The following CREB5 variants were observed in gnomAD, a reference collection of about 807,000 sequenced individuals.
CREB5 encodes the protein cAMP responsive element binding protein 5.
In CREB5, 19 loss-of-function variants were observed where a neutral mutation model predicts 57.1. The observed-to-expected ratio is 0.33, with a 90% CI of 0.23 to 0.49. CREB5 has a LOEUF of 0.49. Among genes scored for constraint, CREB5 ranks in the 20% least tolerant of loss-of-function variants. The pLI is 0.99. For missense variants in CREB5, 579 were observed against 671.6 expected (o/e 0.86, Z 1.52); for synonymous variants, 238 against 238.3 (o/e 1.00, Z 0.01).
chr7:28,675,462 G>T (rs1345249622), intron 5 of CREB5, among the ~76,000 whole-genome samples: 1 of 152,116 alleles, frequency 6.6e-6, no homozygotes, highest in Non-Finnish European at 1.5e-5. Flanking sequence ...AGGAAAATTT[G>T]TCTTCCTCAG....
intron 1 of CREB5, among the ~76,000 whole-genome samples, chr7:28,369,987 C>T (rs1562678660): frequency 6.6e-6 from 1 of 152,060 alleles, no homozygotes; most frequent in Non-Finnish European, 1.5e-5. Context: ...CTAGCAGCTA[C>T]TTTTTTTTCC....
intron 1 of CREB5, among the ~76,000 whole-genome samples, chr7:28,473,258 G>A (rs1790905701): frequency 6.6e-6 from 1 of 152,030 alleles, no homozygotes; most frequent in African/African-American, 2.4e-5. Context: ...GGGGATCAAG[G>A]GTGTAGCGGG....
At chr7:28,595,802 T>C (rs1430283407) in intron 5 of CREB5, among the ~76,000 whole-genome samples, 1 of 152,136 alleles carries the variant, frequency 6.6e-6, no homozygotes, top group Non-Finnish European at 1.5e-5. Flanking sequence ...TTGCACACCA[T>C]CAAAGCAAAG....
intron 5 of CREB5, among the ~76,000 whole-genome samples, chr7:28,648,619 G>T (rs141367021): frequency 2.0e-5 from 3 of 152,032 alleles, no homozygotes; most frequent in Admixed American, 6.6e-5. Flanking sequence ...GTGCATGCCC[G>T]TAGTCTCAGC....
chr7:28,643,758 G>GA (rs368834555), intron 5 of CREB5, among the ~76,000 whole-genome samples: 95 of 81,532 alleles, frequency 1.2e-3, no homozygotes, highest in African/African-American at 4.9e-3. Context: ...AGGTGGGGGG[G>GA]GGCGGAAGAA....
At chr7:28,786,774 A>C (rs1807354592) in intron 7 of CREB5, among the ~76,000 whole-genome samples, 1 of 152,156 alleles carries the variant, frequency 6.6e-6, no homozygotes, top group Non-Finnish European at 1.5e-5. Flanking sequence ...TACCTAACTC[A>C]GGGCCCACTA....
chr7:28,809,126 T>C (rs777158290), intron 8 of CREB5, 61 bp from the exon 9 acceptor site: 4 of 1,480,340 alleles, frequency 2.7e-6, no homozygotes, highest in Non-Finnish European at 3.7e-6. Context: ...CTTGGGTTTC[T>C]TCCCTTACCT....
chr7:28,462,714 G>T (rs977767307), intron 1 of CREB5, among the ~76,000 whole-genome samples: 2 of 151,974 alleles, frequency 1.3e-5, no homozygotes, highest in African/African-American at 2.4e-5. Context: ...TATATTTTCT[G>T]TATAGAAGTA....
intron 4 of CREB5, among the ~76,000 whole-genome samples, chr7:28,551,509 A>G (rs149787363): frequency 1.8e-4 from 28 of 152,226 alleles, no homozygotes; most frequent in South Asian, 1.5e-3. Flanking sequence ...TGTTTTAACT[A>G]TTATCCAGAA....
intron 1 of CREB5, among the ~76,000 whole-genome samples, chr7:28,446,782 ACT>A (rs1789499600): frequency 6.6e-6 from 1 of 151,972 alleles, no homozygotes; most frequent in Non-Finnish European, 1.5e-5. Flanking sequence ...ACAGAGTGAG[ACT>A]CTGTCTCAAA....
intron 5 of CREB5, among the ~76,000 whole-genome samples, chr7:28,640,001 T>A (rs1798585306): frequency 6.6e-6 from 1 of 152,152 alleles, no homozygotes; most frequent in Non-Finnish European, 1.5e-5. Context: ...CCACTGTCAT[T>A]CCCATGCCTC....
At chr7:28,518,164 G>T (rs1439295225) in intron 4 of CREB5, among the ~76,000 whole-genome samples, 1 of 152,170 alleles carries the variant, frequency 6.6e-6, no homozygotes, top group Non-Finnish European at 1.5e-5. Flanking sequence ...TCTGAGGTAT[G>T]TGCAGAATAC....
intron 7 of CREB5, among the ~76,000 whole-genome samples, chr7:28,784,885 T>C (rs1045394763): frequency 6.6e-6 from 1 of 152,194 alleles, no homozygotes; most frequent in African/African-American, 2.4e-5. Flanking sequence ...ATGCACTGTT[T>C]GCTTTTCACC....
intron 1 of CREB5, among the ~76,000 whole-genome samples, chr7:28,316,193 A>G (rs947059101): frequency 1.3e-5 from 2 of 152,064 alleles, no homozygotes; most frequent in African/African-American, 4.8e-5. Flanking sequence ...AAGTGCTTTC[A>G]CCCACAAGTA....
chr7:28,805,529 T>C (rs6977628), intron 8 of CREB5, among the ~76,000 whole-genome samples: 107,565 of 151,968 alleles, frequency 0.71, 38,392 homozygotes, highest in Non-Finnish European at 0.74. Context: ...TCTGGAGACG[T>C]GACTTTATAC....
intron 1 of CREB5, among the ~76,000 whole-genome samples, chr7:28,363,634 C>T (rs1364260519): frequency 6.6e-6 from 1 of 151,584 alleles, no homozygotes; most frequent in Non-Finnish European, 1.5e-5. Flanking sequence ...GTGAGAACTA[C>T]ATCATACTCA....
intron 5 of CREB5, among the ~76,000 whole-genome samples, chr7:28,669,645 C>CT (rs1799953311): frequency 6.6e-6 from 1 of 152,352 alleles, no homozygotes; most frequent in South Asian, 2.1e-4. Context: ...CTGTGGGACT[C>CT]TATCTTCAAC....
In CREB5 at chr7:28,507,698, C is replaced by A; in HGVS notation, c.252C>A (p.His84Gln). The change falls in exon 4 of 11, where the codon CAC becomes CAA. Residue 84 changes from histidine to glutamine, a missense_variant. Around this residue, in one of 3 missense-constraint regions of CREB5, gnomAD observed 459 missense variants for 515.7 expected, o/e 0.89. Coordinates refer to ENST00000357727, the MANE Select transcript of CREB5 (RefSeq NM_182898.4). ...LFSELDCSLE[H>Q]EFRKAQEEES... ...GCGAGCTGGACTGCTCCCTGGAGCACGAGTTCAGGAAGGCTCAGGAAGAGG... is the reference window on the plus strand; with the variant it reads ...GCGAGCTGGACTGCTCCCTGGAGCAAGAGTTCAGGAAGGCTCAGGAAGAGG... The A allele has an allele frequency of 6.2e-7, 1 of 1,610,758 alleles. No individual in the cohort carries two copies. Among genetic ancestry groups the A allele is most frequent in the Non-Finnish European group, 8.5e-7 (1 of 1,177,338 alleles).
rs1212314877 is a variant in CREB5 at position 28,306,541 on chromosome 7, GTTTTGTTTTTTTTGTT to G, written c.-25+7105_-25+7120del. On this transcript the variant is annotated intron_variant, in intron 1 of 9. Transcript: ENST00000396299. ...ACTGGTGCCAGTACATACAGATACA[GTTTTGTTTTTTTTGTT>G]TTTTTTTTTTTTTTTTTTTTTGAGA... 1.6e-4 allele frequency among the ~76,000 whole-genome samples: 7 copies of G among 44,450 alleles called. No individual in the cohort carries two copies. In the South Asian group the frequency reaches 2.7e-3, roughly 17 times the overall value. 29.2% of individuals were successfully genotyped at this position (44,450 alleles called of 152,430 possible). A position where few individuals can be genotyped will look rare whatever the true frequency, so the allele number is the denominator to read the frequency against.
Sources: allele counts gnomAD v4.1 joint callset (sites outside exome capture counted in the v4.1 genomes callset), GRCh38; gene constraint gnomAD v4.1.1; regional missense constraint gnomAD v4.1.1; transcripts MANE v1.5; gene names NCBI Gene and HGNC (gene_info 2026-07-23, HGNC 2026-07-21).